ACSL1: variants seen among roughly 807,000 people sequenced by gnomAD.
The protein encoded by ACSL1 is acyl-CoA synthetase long chain family member 1.
ACSL1 carries 41 observed loss-of-function variants against 98.4 expected under a neutral mutation model. The observed-to-expected ratio is 0.42, with a 90% confidence interval of 0.32 to 0.54. The LOEUF (loss-of-function observed/expected upper bound fraction) is 0.54. ACSL1 is among the 20% of genes least tolerant of loss of function. The probability of loss-of-function intolerance (pLI) is 0.13; values close to 1 mark genes in which losing one functional copy is unlikely to be tolerated. For missense variants in ACSL1, 734 were observed against 883.1 expected (o/e 0.83, Z 2.14); for synonymous variants, 316 against 322.7 (o/e 0.98, Z 0.22).
intron 1 of ACSL1, among the ~76,000 whole-genome samples, chr4:184,813,337 T>A (rs1425121585): frequency 2.0e-5 from 3 of 152,222 alleles, no homozygotes; most frequent in Admixed American, 6.5e-5. Flanking sequence ...ATGAGGCAGA[T>A]AAGTTTACTG....
Position 184,762,537 on chromosome 4 carries a change from G to C in ACSL1, c.1522-14C>G. On this transcript the variant is annotated splice_polypyrimidine_tract_variant and intron_variant, in intron 16 of 20. Transcript: ENST00000281455. Reference sequence around the variant, plus strand: ...TTTCACACACACCTAAAGAAAAGAAGATCATCAGTGAACAGCATTTACTGG... The same window carrying C: ...TTTCACACACACCTAAAGAAAAGAACATCATCAGTGAACAGCATTTACTGG... 2.5e-6 allele frequency: 4 copies of C among 1,606,050 alleles called. No individual in the cohort carries two copies. Among genetic ancestry groups the C allele is most frequent in the Non-Finnish European group, 3.4e-6 (4 of 1,172,594 alleles).
In ACSL1 at chr4:184,773,784, C is replaced by G; in HGVS notation, c.789+59G>C. 1.2e-6 allele frequency: 2 copies of G among 1,612,870 alleles called. No individual in the cohort carries two copies. The highest frequency in any genetic ancestry group is 1.7e-6 in the Non-Finnish European group (2 of 1,179,438). On this transcript the variant is annotated intron_variant, in intron 8 of 20. Transcript: ENST00000281455. The surrounding 1 kb of genome is among the most constrained non-coding windows in gnomAD (Gnocchi z 4.3). ...AAGAGAACTATAAGCCACAAGGTACCAGGCTAGATATTGAAAACTACAAAG... is the reference window on the plus strand; with the variant it reads ...AAGAGAACTATAAGCCACAAGGTACGAGGCTAGATATTGAAAACTACAAAG...
intron 14 of ACSL1, 70 bp downstream of exon 14, chr4:184,765,821 T>C (rs951239063): frequency 7.5e-7 from 1 of 1,341,546 alleles, no homozygotes; most frequent in Non-Finnish European, 1.1e-6. Flanking sequence ...ACAGTACAGA[T>C]GACTTTTGGT....
chr4:184,811,105 C>CT (rs937302140), intron 1 of ACSL1, among the ~76,000 whole-genome samples: 121 of 150,992 alleles, frequency 8.0e-4, no homozygotes, highest in African/African-American at 2.6e-3. Context: ...ATGCACAATG[C>CT]TTTTTTTTTG....
intron 14 of ACSL1, 148 bp from the exon 15 acceptor site, chr4:184,765,073 A>T: frequency 1.3e-6 from 1 of 785,162 alleles, no homozygotes; most frequent in Non-Finnish European, 2.0e-6. Context: ...AGTTCATTCA[A>T]TGGTCCAGTG....
intron 1 of ACSL1, among the ~76,000 whole-genome samples, chr4:184,807,019 C>G (rs1245714104): frequency 2.0e-5 from 3 of 152,204 alleles, no homozygotes; most frequent in Non-Finnish European, 4.4e-5. Context: ...CTTCTATTAA[C>G]TGCTATTAAG....
In ACSL1 at chr4:184,773,946, T is replaced by A; in HGVS notation, c.757-71A>T. On this transcript the variant is annotated intron_variant, in intron 7 of 20. Coordinates refer to ENST00000281455, the MANE Select transcript of ACSL1 (RefSeq NM_001995.5). The surrounding 1 kb of genome is among the most constrained non-coding windows in gnomAD (Gnocchi z 4.3). ...CTGTAAAGGATAAGGTCACATCGAG[T>A]CACTTAAAGCTGGCTTTACTGTGGG... is the stretch of plus-strand genomic sequence containing the variant. 6.4e-7 allele frequency: 1 copy of A among 1,572,146 alleles called. No individual in the cohort carries two copies. Among genetic ancestry groups the A allele is most frequent in the Non-Finnish European group, 8.7e-7 (1 of 1,146,730 alleles).
chr4:184,785,583 A>G (rs561417331), intron 3 of ACSL1, among the ~76,000 whole-genome samples: 1 of 119,032 alleles, frequency 8.4e-6, no homozygotes, highest in East Asian at 2.8e-4. Context: ...AGCTTAGAAT[A>G]AAAAGATCCT....
At position 184,780,355 on chromosome 4, in the gene ACSL1, T is replaced by C. The variant is rs925874550; in HGVS notation, c.454A>G (p.Ile152Val). Residue 152 changes from isoleucine to valine, a missense_variant, in exon 5 of 21, where the codon ATC becomes GTC. Physicochemically the swap from Ile to Val is conservative, Grantham distance 29. Transcript: ENST00000281455. ...ACCTCAGGTCTATTTTGAGCAAAGA[T>C]GCCAATGAACTGATCTGGGGCAGTC... is the stretch of plus-strand genomic sequence containing the variant. ...FKTAPDQFIGIFAQNRPEWVI... is the reference protein window; with the variant it reads ...FKTAPDQFIGVFAQNRPEWVI... The C allele has an allele frequency of 6.2e-7, 1 of 1,613,718 alleles. No individual in the cohort carries two copies.
At position 184,790,520 on chromosome 4, in the gene ACSL1, G is replaced by A. The variant is rs191875593; in HGVS notation, c.196-1789C>T. On this transcript the variant is annotated intron_variant, in intron 2 of 20. Coordinates refer to ENST00000281455, the MANE Select transcript of ACSL1 (RefSeq NM_001995.5). ...TAATCATCACAATGTCTTCTCTCTC[G>A]GCAGAAACTTTCTAACACCTATGGC... is the stretch of plus-strand genomic sequence containing the variant. 2.1e-3 allele frequency among the ~76,000 whole-genome samples: 318 copies of A among 152,148 alleles called. 3 individuals carry two copies. The highest frequency in any genetic ancestry group is 7.1e-3 in the African/African-American group (293 of 41,506).
Position 184,756,149 on chromosome 4 carries a change from G to A in ACSL1, c.*976C>T, listed in dbSNP as rs1762101637. 1 of 152,242 alleles carries A rather than the reference G, an allele frequency of 6.6e-6. No individual in the cohort carries two copies. Among genetic ancestry groups the A allele is most frequent in the African/African-American group, 2.4e-5 (1 of 41,392 alleles). 9.4% of individuals were successfully genotyped at this position (152,242 alleles called of 1,614,324 possible). A position where few individuals can be genotyped will look rare whatever the true frequency, so the allele number is the denominator to read the frequency against. On this transcript the variant is annotated 3_prime_UTR_variant, in exon 21 of 21. Coordinates refer to ENST00000281455, the MANE Select transcript of ACSL1 (RefSeq NM_001995.5). ...ATGCTTGCCTGAGAGTTTATTTTTT[G>A]GGGAAAAAGGCAAGTTAATCCCAAC...
chr4:184,822,362 G>C (rs971030903), intron 1 of ACSL1, among the ~76,000 whole-genome samples: 1 of 152,110 alleles, frequency 6.6e-6, no homozygotes, highest in Non-Finnish European at 1.5e-5. Flanking sequence ...ACTTCAAGGA[G>C]TCTCCAATAT....
At position 184,757,279 on chromosome 4, in the gene ACSL1, A is replaced by C. The variant is rs1376755945; in HGVS notation, c.1957-14T>G. ...GATGCCTTTGACCTGCCAATAAACA[A>C]GGCAGTTAAAAGAGGAAAAAGGACA... On this transcript the variant is annotated splice_polypyrimidine_tract_variant and intron_variant, in intron 20 of 20. Coordinates refer to ENST00000281455, the MANE Select transcript of ACSL1 (RefSeq NM_001995.5). The surrounding 1 kb of genome is among the most constrained non-coding windows in gnomAD (Gnocchi z 4.5). 1.9e-6 allele frequency: 3 copies of C among 1,584,464 alleles called. No homozygotes were observed. Among genetic ancestry groups the C allele is most frequent in the Admixed American group, 1.7e-5 (1 of 58,734 alleles).
Position 184,790,624 on chromosome 4 carries a change from G to A in ACSL1, c.196-1893C>T, listed in dbSNP as rs544681497. On this transcript the variant is annotated intron_variant, in intron 2 of 20. Coordinates refer to ENST00000281455, the MANE Select transcript of ACSL1 (RefSeq NM_001995.5). ...CGTTATTCTCTGTGTGCATAAGAAT[G>A]GGAGAATATCTTTGCTTAGTGTCAC... Among the ~76,000 whole-genome samples the A allele has an allele frequency of 4.6e-5, 7 of 152,340 alleles. No homozygotes were observed. In the South Asian group the frequency reaches 1.4e-3, roughly 32 times the overall value.
At chr4:184,764,376 GTCC>G (rs1268577345) in intron 15 of ACSL1, among the ~76,000 whole-genome samples, 1 of 152,168 alleles carries the variant, frequency 6.6e-6, no homozygotes, top group African/African-American at 2.4e-5. Flanking sequence ...ATTTTTGTTT[GTCC>G]TCCTCCTTTT....
Position 184,776,464 on chromosome 4 carries a change from G to C in ACSL1, c.756+20C>G. 1.9e-6 allele frequency: 3 copies of C among 1,604,436 alleles called. No individual in the cohort carries two copies. The highest frequency in any genetic ancestry group is 2.6e-6 in the Non-Finnish European group (3 of 1,175,856). On this transcript the variant is annotated intron_variant, in intron 7 of 20. Transcript: ENST00000281455. The stretch of plus-strand genomic sequence containing the variant: ...CCCCAGGGAAAGCCTTCAGAGAAGG[G>C]AAGGAGGCAGGGCACTCACCTCCAT...
chr4:184,770,822 C>T (rs1764393540), intron 10 of ACSL1, among the ~76,000 whole-genome samples: 1 of 152,180 alleles, frequency 6.6e-6, no homozygotes, highest in Non-Finnish European at 1.5e-5. Context: ...TTTCTTCTCA[C>T]CAAAGAATAA....
intron 3 of ACSL1, among the ~76,000 whole-genome samples, chr4:184,785,605 G>A (rs1767103500): frequency 3.2e-5 from 1 of 31,180 alleles, no homozygotes; most frequent in East Asian, 6.8e-4. Flanking sequence ...CTGGGCGGGG[G>A]CGGGGGGGGG....
intron 2 of ACSL1, among the ~76,000 whole-genome samples, chr4:184,794,202 A>G (rs190139145): frequency 3.1e-4 from 46 of 148,288 alleles, no homozygotes; most frequent in African/African-American, 1.1e-3. Flanking sequence ...TTCTTTTTGT[A>G]AAGACACAAA....
Sources: gnomAD v4.1 joint callset for allele counts (sites outside exome capture counted in the v4.1 genomes callset) on GRCh38, gnomAD v4.1.1 for gene constraint, Gnocchi (gnomAD v3.1) non-coding constraint, MANE v1.5 for transcripts, NCBI Gene and HGNC (gene_info 2026-07-23, HGNC 2026-07-21) for gene names.